Variants in NEURL3 observed in about 807,000 individuals in gnomAD.
The protein encoded by NEURL3 is neuralized E3 ubiquitin protein ligase 3.
A neutral mutation model predicts 17.6 loss-of-function variants in NEURL3; 19 were observed. The observed-to-expected ratio is 1.08, with a 90% CI of 0.75 to 1.58. The LOEUF is 1.58. NEURL3 is among the 40% of genes most tolerant of loss of function. The pLI is 0.00. For missense variants in NEURL3, 342 were observed against 379.6 expected (o/e 0.90, Z 0.82); for synonymous variants, 180 against 161.4 (o/e 1.11, Z -0.87).
intron 2 of NEURL3, among the ~76,000 whole-genome samples, chr2:96,499,709 G>A (rs1268747013): frequency 1.3e-5 from 2 of 152,010 alleles, no homozygotes; most frequent in East Asian, 1.9e-4. Flanking sequence ...CCCTCCAGCC[G>A]CTGCCTGAGT....
intron 3 of NEURL3, 70 bp downstream of exon 3, chr2:96,499,308 G>T: frequency 1.9e-6 from 3 of 1,582,090 alleles, no homozygotes; most frequent in Non-Finnish European, 2.6e-6. Context: ...CCAGTAGGAC[G>T]TGGGGCTTCT....
chr2:96,507,714 G>C (rs1232061271), upstream of NEURL3: 1 of 152,258 alleles, frequency 6.6e-6, no homozygotes, highest in East Asian at 1.9e-4. Flanking sequence ...CACCCGCCTC[G>C]GCCTCCCAAA....
intron 1 of NEURL3, chr2:96,504,762 C>T (rs1294772258): frequency 6.6e-6 from 1 of 152,496 alleles, no homozygotes; most frequent in Non-Finnish European, 1.5e-5. Context: ...CCTGTAGTCC[C>T]AGCTACTCGG....
intron 1 of NEURL3, among the ~76,000 whole-genome samples, chr2:96,502,701 T>A (rs888825665): frequency 1.3e-5 from 2 of 152,208 alleles, no homozygotes. Context: ...AGAGAAGCCC[T>A]GGAGTGGGCT....
chr2:96,503,985 T>C (rs1051734711), intron 1 of NEURL3, among the ~76,000 whole-genome samples: 8 of 152,288 alleles, frequency 5.3e-5, no homozygotes, highest in Admixed American at 2.0e-4. Context: ...AGAAGCTGAG[T>C]GCCCTGCCCA....
chr2:96,500,699 G>C lies in NEURL3; in HGVS notation c.254C>G (p.Pro85Arg). Residue 85 changes from proline to arginine, a missense_variant, in exon 2 of 4, where the codon CCC (proline) becomes CGC (arginine). Pro to Arg is a moderately radical substitution (Grantham distance 103). Transcript: ENST00000451794. ...GLRVGFTRLD[P>R]ACVSVPSLPP... The stretch of plus-strand genomic sequence containing the variant: ...CAGGCTGGGCACGGACACGCACGCG[G>C]GGTCCAGGCGCGTGAAGCCCACGCG... 6.6e-7 allele frequency: 1 copy of C among 1,514,210 alleles called. No homozygotes were observed. Among genetic ancestry groups the C allele is most frequent in the Non-Finnish European group, 8.8e-7 (1 of 1,138,324 alleles). The allele number at this position is 1,514,210 out of a possible 1,614,324, so 93.8% of individuals were successfully genotyped here. A position where few individuals can be genotyped will look rare whatever the true frequency, so the allele number is the denominator to read the frequency against.
chr2:96,505,412 G>T, upstream of NEURL3: 1 of 886,492 alleles, frequency 1.1e-6, no homozygotes, highest in Non-Finnish European at 1.8e-6. Flanking sequence ...TTACAAAGTT[G>T]ATGATTAATT....
In NEURL3 at chr2:96,500,813, C is replaced by T; in HGVS notation, c.140G>A (p.Gly47Asp). The part of the protein sequence containing the change: ...IAHRRTTFHD[G>D]IVFSQRPVRL... ...CACCGGCCGCTGGCTGAACACGATGCCGTCGTGGAACGTGGTGCGCCTGTG... is the reference window on the plus strand; with the variant it reads ...CACCGGCCGCTGGCTGAACACGATGTCGTCGTGGAACGTGGTGCGCCTGTG... The change falls in exon 2 of 4, where the codon GGC becomes GAC. Residue 47 changes from glycine to aspartate, a missense_variant. Transcript: ENST00000451794. The T allele has an allele frequency of 6.5e-7, 1 of 1,527,234 alleles. No individual in the cohort carries two copies. The highest frequency in any genetic ancestry group is 8.8e-7 in the Non-Finnish European group (1 of 1,142,494). 94.6% of individuals were successfully genotyped at this position (1,527,234 alleles called of 1,614,324 possible).
At chr2:96,499,578 C>A in intron 2 of NEURL3, 129 bp from the exon 3 acceptor site, 1 of 757,880 alleles carries the variant, frequency 1.3e-6, no homozygotes, top group South Asian at 1.7e-5. Flanking sequence ...CCCCCATCCC[C>A]AAATTTTAAG....
intron 1 of NEURL3, among the ~76,000 whole-genome samples, chr2:96,504,877 C>CAAAAAAAAAGAAAAAAA (rs2065546863): frequency 1.8e-5 from 1 of 55,280 alleles, no homozygotes; most frequent in Non-Finnish European, 3.6e-5. Flanking sequence ...GACTCCGTCT[C>CAAAAAAAAAGAAAAAAA]AAAAAAAAAA....
chr2:96,500,387 C>T, intron 2 of NEURL3, 52 bp downstream of exon 2: 1 of 1,591,436 alleles, frequency 6.3e-7, no homozygotes, highest in Non-Finnish European at 8.5e-7. Flanking sequence ...TGGGGTGCCA[C>T]TGGAGCCCCC....
intron 2 of NEURL3, 75 bp downstream of exon 2, chr2:96,500,364 C>T (rs761374062): frequency 1.3e-6 from 2 of 1,570,298 alleles, no homozygotes; most frequent in Non-Finnish European, 1.7e-6. Context: ...CTTCCTGTGG[C>T]TCTGGATCGG....
rs2065470554 is a variant in NEURL3 at position 96,498,919 on chromosome 2, A to G, written c.586+459T>C. On this transcript the variant is annotated intron_variant, in intron 3 of 3. Transcript: ENST00000451794. This position sits in a 1 kb window ranked among gnomAD's most constrained non-coding sequence, Gnocchi z 4.4. ...CAGCCTCCCGAGTAGCTGGGGCCAC[A>G]GACATGCACCACCACACTCAGCTAA... 6.6e-6 allele frequency among the ~76,000 whole-genome samples: 1 copy of G among 152,138 alleles called. No individual in the cohort carries two copies. Among genetic ancestry groups the G allele is most frequent in the South Asian group, 2.1e-4 (1 of 4,816 alleles).
chr2:96,500,791 C>G lies in NEURL3; in HGVS notation c.162G>C (p.Pro54=). The G allele has an allele frequency of 6.6e-7, 1 of 1,526,086 alleles. No homozygotes were observed. The highest frequency in any genetic ancestry group is 8.8e-7 in the Non-Finnish European group (1 of 1,142,004). 94.5% of individuals were successfully genotyped at this position (1,526,086 alleles called of 1,614,324 possible). A position where few individuals can be genotyped will look rare whatever the true frequency, so the allele number is the denominator to read the frequency against. Reference sequence around the variant, plus strand: ...GCGCCACACGCTCGCCCAGGCGCACCGGCCGCTGGCTGAACACGATGCCGT... The same window carrying G: ...GCGCCACACGCTCGCCCAGGCGCACGGGCCGCTGGCTGAACACGATGCCGT... ...FHDGIVFSQR[P]VRLGERVALR... is the part of the protein sequence containing the mutation. The change falls in exon 2 of 4, where the codon CCG becomes CCC. Residue 54 remains proline (P), a synonymous_variant. Coordinates refer to ENST00000451794, the MANE Select transcript of NEURL3 (RefSeq NM_001285485.2).
upstream of NEURL3, among the ~76,000 whole-genome samples, chr2:96,506,939 C>T (rs1392826721): frequency 6.6e-6 from 1 of 152,142 alleles, no homozygotes; most frequent in Non-Finnish European, 1.5e-5. Flanking sequence ...TGCCTAAAGC[C>T]TCCCGTCCAG....
intron 1 of NEURL3, among the ~76,000 whole-genome samples, chr2:96,504,881 A>AAAAAAAAAAAAAAAAAAAAG: frequency 1.3e-5 from 1 of 74,614 alleles, no homozygotes; most frequent in Non-Finnish European, 2.8e-5. Context: ...CCGTCTCAAA[A>AAAAAAAAAAAAAAAAAAAAG]AAAAAAAAAA....
upstream of NEURL3, among the ~76,000 whole-genome samples, chr2:96,507,388 C>T (rs148612879): frequency 1.4e-4 from 22 of 152,318 alleles, no homozygotes; most frequent in East Asian, 4.0e-3. Context: ...GGTGTCCTAG[C>T]CATGAACCGA....
At chr2:96,507,885 A>C (rs2065573556), upstream of NEURL3, 1 of 152,246 alleles carries the variant, frequency 6.6e-6, no homozygotes, top group South Asian at 2.1e-4. Flanking sequence ...CACGACAGTT[A>C]CGCAGCTTGT....
At chr2:96,502,017 TG>T (rs2065513403) in intron 1 of NEURL3, among the ~76,000 whole-genome samples, 1 of 152,134 alleles carries the variant, frequency 6.6e-6, no homozygotes, top group Non-Finnish European at 1.5e-5. Flanking sequence ...AGGCTCCATC[TG>T]GTCAGGCACC....
Sources: allele counts gnomAD v4.1 joint callset (sites outside exome capture counted in the v4.1 genomes callset), GRCh38; gene constraint gnomAD v4.1.1; non-coding constraint Gnocchi (gnomAD v3.1); transcripts MANE v1.5; gene names NCBI Gene and HGNC (gene_info 2026-07-23, HGNC 2026-07-21).